Variants in TDRD3 observed in about 807,000 individuals in gnomAD.
TDRD3 encodes tudor domain-containing protein 3.
Under a neutral mutation model 86.7 loss-of-function variants are expected in TDRD3, and 45 were observed. The ratio of observed to expected loss-of-function variants is 0.52; its 90% CI spans 0.41 to 0.67. The LOEUF is 0.67. Among genes scored for constraint, TDRD3 ranks in the 30% least tolerant of loss-of-function variants. The pLI is 0.00. For synonymous variants in TDRD3, 298 were observed against 301.7 expected (o/e 0.99, Z 0.13); for missense variants, 814 against 889.0 (o/e 0.92, Z 1.07).
intron 8 of TDRD3, among the ~76,000 whole-genome samples, chr13:60,500,830 G>A (rs1180333880): frequency 6.6e-6 from 1 of 152,214 alleles, no homozygotes; most frequent in African/African-American, 2.4e-5. Flanking sequence ...GCTAATCAAT[G>A]GGTGACCTCA....
At chr13:60,513,960 G>A (rs987955850) in intron 10 of TDRD3, among the ~76,000 whole-genome samples, 5 of 152,218 alleles carry the variant, frequency 3.3e-5, no homozygotes, top group African/African-American at 7.2e-5. Flanking sequence ...AAATGTGGAA[G>A]TGACTTGGGA....
At chr13:60,563,805 A>G (rs570499642) in intron 12 of TDRD3, among the ~76,000 whole-genome samples, 1 of 152,290 alleles carries the variant, frequency 6.6e-6, no homozygotes, top group African/African-American at 2.4e-5. Flanking sequence ...TTTATGATGA[A>G]CTTTTATAAC....
chr13:60,561,868 TGTTGTTGTTG>T (rs1958341510), intron 12 of TDRD3, among the ~76,000 whole-genome samples: 2 of 147,116 alleles, frequency 1.4e-5, no homozygotes, highest in African/African-American at 5.3e-5. Context: ...GGTTTTTTGT[TGTTGTTGTTG>T]TTGTTGTTGT....
chr13:60,536,052 A>G (rs540605075), intron 12 of TDRD3: 1 of 152,232 alleles, frequency 6.6e-6, no homozygotes, highest in East Asian at 1.9e-4. Context: ...CTAGAAAATT[A>G]TATCATCCAG....
chr13:60,550,706 C>T (rs1225734472), intron 12 of TDRD3, among the ~76,000 whole-genome samples: 11 of 151,994 alleles, frequency 7.2e-5, no homozygotes, highest in Admixed American at 2.6e-4. Context: ...GAGCTAGTTT[C>T]GCATTTTGTG....
intron 12 of TDRD3, among the ~76,000 whole-genome samples, chr13:60,544,718 A>C (rs994693010): frequency 2.0e-5 from 3 of 152,146 alleles, no homozygotes; most frequent in African/African-American, 7.2e-5. Flanking sequence ...TTGATCTCCT[A>C]TTCTTACTTT....
chr13:60,563,702 C>T (rs1207288440), intron 12 of TDRD3, among the ~76,000 whole-genome samples: 4 of 152,228 alleles, frequency 2.6e-5, no homozygotes, highest in African/African-American at 9.6e-5. Flanking sequence ...GTATGCTTAG[C>T]TGCATTTCAC....
At chr13:60,545,963 AC>A (rs1402097276) in intron 12 of TDRD3, among the ~76,000 whole-genome samples, 2 of 151,448 alleles carry the variant, frequency 1.3e-5, no homozygotes, top group African/African-American at 2.4e-5. Flanking sequence ...CTATGTGTTT[AC>A]CTTTTTATTC....
intron 12 of TDRD3, among the ~76,000 whole-genome samples, chr13:60,538,733 A>C (rs1957749466): frequency 6.6e-6 from 1 of 152,086 alleles, no homozygotes; most frequent in Admixed American, 6.6e-5. Flanking sequence ...CTCTAAAACG[A>C]ATTCCAGGAA....
chr13:60,531,508 T>A (rs919078379), intron 11 of TDRD3, among the ~76,000 whole-genome samples: 3 of 152,198 alleles, frequency 2.0e-5, no homozygotes, highest in African/African-American at 7.2e-5. Context: ...TATTGGATAA[T>A]GTGGGGTTAC....
intron 1 of TDRD3, among the ~76,000 whole-genome samples, chr13:60,399,392 A>G (rs899561171): frequency 1.3e-5 from 2 of 152,236 alleles, no homozygotes; most frequent in Admixed American, 6.5e-5. Flanking sequence ...TCATAAAGGC[A>G]GTAGTAATCT....
At chr13:60,421,217 TCA>T (rs1954647406) in intron 1 of TDRD3, among the ~76,000 whole-genome samples, 1 of 151,962 alleles carries the variant, frequency 6.6e-6, no homozygotes, top group Non-Finnish European at 1.5e-5. Flanking sequence ...TTTAATGGAC[TCA>T]CAGTTCCATA....
chr13:60,473,029 A>G (rs1956104963), intron 5 of TDRD3, among the ~76,000 whole-genome samples: 1 of 152,172 alleles, frequency 6.6e-6, no homozygotes. Context: ...TTCTGCTGCT[A>G]TAACAGAATA....
chr13:60,518,419 C>T (rs530973947), intron 10 of TDRD3, among the ~76,000 whole-genome samples: 5 of 152,174 alleles, frequency 3.3e-5, no homozygotes, highest in East Asian at 1.9e-4. Flanking sequence ...CATAATAAAG[C>T]GAATGTTCTT....
At chr13:60,494,010 G>A (rs1956660305) in intron 7 of TDRD3, among the ~76,000 whole-genome samples, 1 of 152,170 alleles carries the variant, frequency 6.6e-6, no homozygotes, top group African/African-American at 2.4e-5. Flanking sequence ...CTAAGATTAT[G>A]CAATCATAAT....
chr13:60,468,615 A>G (rs762814151), intron 5 of TDRD3, among the ~76,000 whole-genome samples: 13 of 152,236 alleles, frequency 8.5e-5, no homozygotes, highest in Middle Eastern at 3.4e-3. Flanking sequence ...TTGCATCTGT[A>G]TCTCAAGTTA....
intron 12 of TDRD3, among the ~76,000 whole-genome samples, chr13:60,552,959 C>T (rs1231533100): frequency 6.6e-6 from 1 of 152,190 alleles, no homozygotes; most frequent in African/African-American, 2.4e-5. Context: ...CCATTTTTCC[C>T]TCCCAGGCCT....
chr13:60,509,468 C>A, intron 8 of TDRD3: 1 of 229,284 alleles, frequency 4.4e-6, no homozygotes, highest in East Asian at 9.6e-5. Flanking sequence ...GTTTTCTCCT[C>A]ACTGTCTATA....
intron 10 of TDRD3, among the ~76,000 whole-genome samples, chr13:60,515,636 T>C (rs1957151294): frequency 6.6e-6 from 1 of 152,232 alleles, no homozygotes; most frequent in South Asian, 2.1e-4. Flanking sequence ...TACTTTCTCT[T>C]GTTGACCTGC....
Sources: allele counts gnomAD v4.1 joint callset (sites outside exome capture counted in the v4.1 genomes callset), GRCh38; gene constraint gnomAD v4.1.1; transcripts MANE v1.5; gene names NCBI Gene and HGNC (gene_info 2026-07-23, HGNC 2026-07-21).